HERPUD1: variants seen among roughly 807,000 people sequenced by gnomAD.
The protein encoded by HERPUD1 is homocysteine inducible ER protein with ubiquitin like domain 1, also known as homocysteine-responsive endoplasmic reticulum-resident ubiquitin-like domain member 1 protein.
Under a neutral mutation model 45.0 loss-of-function variants are expected in HERPUD1, and 17 were observed. The observed-to-expected ratio is 0.38, with a 90% CI of 0.26 to 0.57. The LOEUF (loss-of-function observed/expected upper bound fraction) is 0.57. Ranked by LOEUF, HERPUD1 falls within the 20% of genes least tolerant of loss-of-function variation. HERPUD1 has a pLI of 0.72. For synonymous variants in HERPUD1, 164 were observed against 177.5 expected, an observed-to-expected ratio of 0.92 and a Z score of 0.61; for missense variants, 420 against 490.5, an observed-to-expected ratio of 0.86 and a Z score of 1.36.
rs1179650338 is a variant in HERPUD1, at chr16:56,940,076, A to G, written c.736A>G (p.Met246Val). ...TCCTGGAGCCAATCAAAATTTGCGG[A>G]TGAATGCACAAGGTGGCCCTATTGT... ...VNPGANQNLR[M>V]NAQGGPIVEE... The change falls in exon 6 of 8, where the codon ATG becomes GTG. Residue 246 changes from methionine to valine, a missense_variant. Transcript: ENST00000439977. The G allele has an allele frequency of 1.2e-6, 2 of 1,614,232 alleles. No individual in the cohort carries two copies. The highest frequency in any genetic ancestry group is 2.2e-5 in the East Asian group (1 of 44,890).
chr16:56,934,647 A>C (rs912626689), intron 1 of HERPUD1, among the ~76,000 whole-genome samples: 3 of 146,720 alleles, frequency 2.0e-5, no homozygotes, highest in African/African-American at 7.6e-5. Flanking sequence ...TTTTAGTAAT[A>C]GGAGTCAGTC....
rs771865956 is a variant in HERPUD1, at chr16:56,935,397, T to C, written c.226-4T>C. 1 of 1,614,190 alleles carries C rather than the reference T, an allele frequency of 6.2e-7. No individual in the cohort carries two copies. The highest frequency in any genetic ancestry group is 8.5e-7 in the Non-Finnish European group (1 of 1,180,004). ...GTCCTTAAGTACCTTCGTATTACTT[T>C]TAGCAGGAAAAACGGCATGTTTTGC... On this transcript the variant is annotated splice_polypyrimidine_tract_variant and splice_region_variant and intron_variant, in intron 2 of 7. Coordinates refer to ENST00000439977, the MANE Select transcript of HERPUD1 (RefSeq NM_014685.4).
Position 56,943,491 on chromosome 16 carries a change from C to T in HERPUD1, c.*201C>T. ...TGAACAAAAAATGCCCAAGGCTTCT[C>T]ATGTCTTTATTCTGAAGAGCTTTAA... On this transcript the variant is annotated 3_prime_UTR_variant, in exon 8 of 8. Transcript: ENST00000439977. 1.5e-6 allele frequency: 1 copy of T among 656,602 alleles called. No homozygotes were observed. Among genetic ancestry groups the T allele is most frequent in the Non-Finnish European group, 2.7e-6 (1 of 364,336 alleles). 40.7% of individuals were successfully genotyped at this position (656,602 alleles called of 1,614,324 possible). A position where few individuals can be genotyped will look rare whatever the true frequency, so the allele number is the denominator to read the frequency against.
intron 1 of HERPUD1, 61 bp from the exon 2 acceptor site, chr16:56,935,172 CTG>C (rs2055856380): frequency 1.5e-5 from 17 of 1,109,774 alleles, no homozygotes; most frequent in Non-Finnish European, 2.1e-5. Context: ...ACAGTTTATT[CTG>C]TGTTTAGGAA....
intron 3 of HERPUD1, 101 bp from the exon 4 acceptor site, chr16:56,936,586 G>A: frequency 9.4e-7 from 1 of 1,069,338 alleles, no homozygotes; most frequent in Non-Finnish European, 1.3e-6. Context: ...AGAGGTGGGG[G>A]GTAGGAGATG....
In HERPUD1 at chr16:56,940,041, T is replaced by G; in HGVS notation, c.701T>G (p.Val234Gly). The stretch of plus-strand genomic sequence containing the variant: ...GCCAATCAGAATGCTGCTCCTCAAG[T>G]GGTTGTTAATCCTGGAGCCAATCAA... ...QPANQNAAPQ[V>G]VVNPGANQNL... The change falls in exon 6 of 8, where the codon GTG (valine) becomes GGG (glycine). Residue 234 changes from valine (V) to glycine (G), a missense_variant. Transcript: ENST00000439977. The G allele has an allele frequency of 6.2e-7, 1 of 1,614,198 alleles. No individual in the cohort carries two copies. Among genetic ancestry groups the G allele is most frequent in the Non-Finnish European group, 8.5e-7 (1 of 1,180,030 alleles).
Position 56,932,167 on chromosome 16 carries a change from C to T in HERPUD1, c.-78C>T, listed in dbSNP as rs571539038. 101 of 1,563,298 alleles carry T rather than the reference C, an allele frequency of 6.5e-5. No homozygotes were observed. In the African/African-American group the frequency reaches 7.1e-4, roughly 11 times the overall value. On this transcript the variant is annotated 5_prime_UTR_variant, in exon 1 of 8. Transcript: ENST00000439977. ...GCCCCAGAGACGTGAACTGTCGTTG[C>T]AGAGATTGCGGGCGGCTGAGACGCC...
chr16:56,936,654 C>T, intron 3 of HERPUD1, 33 bp from the exon 4 acceptor site: 1 of 1,570,992 alleles, frequency 6.4e-7, no homozygotes, highest in Non-Finnish European at 8.7e-7. Context: ...TGCATCAGCT[C>T]CTTTGTTCTG....
intron 6 of HERPUD1, chr16:56,941,093 C>G (rs1469490334): frequency 1.3e-5 from 2 of 152,190 alleles, no homozygotes; most frequent in African/African-American, 4.8e-5. Context: ...GATAAGCTAC[C>G]TTACCTTCCA....
In HERPUD1 at chr16:56,943,706, ACTT is replaced by A. The variant is rs2055929851; in HGVS notation, c.*417_*419del. 1 of 280,008 alleles carries A rather than the reference ACTT, an allele frequency of 3.6e-6. No homozygotes were observed. The highest frequency in any genetic ancestry group is 5.2e-5 in the East Asian group (1 of 19,264). The allele number at this position is 280,008 out of a possible 1,614,324, so 17.3% of individuals were successfully genotyped here. Reference sequence around the variant, plus strand: ...ATGTTTAAATTACACTAAGTGTACTACTTTATATAATCAATGAAATTGCTAGAC... The same window carrying A: ...ATGTTTAAATTACACTAAGTGTACTATATATAATCAATGAAATTGCTAGAC... On this transcript the variant is annotated 3_prime_UTR_variant, in exon 8 of 8. Coordinates refer to ENST00000439977, the MANE Select transcript of HERPUD1 (RefSeq NM_014685.4).
At chr16:56,941,938 A>G (rs2055913078) in intron 6 of HERPUD1, 194 bp from the exon 7 acceptor site, 4 of 546,982 alleles carry the variant, frequency 7.3e-6, no homozygotes, top group Non-Finnish European at 1.3e-5. Context: ...TGAATAAAAC[A>G]CAGTCCCTGC....
chr16:56,940,377 A>C, intron 6 of HERPUD1, 132 bp downstream of exon 6: 1 of 653,932 alleles, frequency 1.5e-6, no homozygotes, highest in South Asian at 1.9e-5. Context: ...ACAATGGCAC[A>C]ATCACTGCAA....
Position 56,940,149 on chromosome 16 carries a change from C to G in HERPUD1, c.809C>G (p.Ser270Ter). 1.9e-6 allele frequency: 3 copies of G among 1,614,188 alleles called. No homozygotes were observed. Among genetic ancestry groups the G allele is most frequent in the Non-Finnish European group, 2.5e-6 (3 of 1,180,010 alleles). ...INRDWLDWTY[S>*]AATFSVFLSI... ...CGAGATTGGTTGGATTGGACCTATT[C>G]AGCAGCTACATTTTCTGTTTTTCTC... Residue 270 changes from serine (S) to a stop codon, truncating the protein, a stop_gained, in exon 6 of 8, where the codon TCA (serine) becomes TGA (stop). Coordinates refer to ENST00000439977, the MANE Select transcript of HERPUD1 (RefSeq NM_014685.4). LOFTEE classifies it high-confidence loss of function.
chr16:56,933,659 G>A (rs1246559265), intron 1 of HERPUD1, among the ~76,000 whole-genome samples: 1 of 152,184 alleles, frequency 6.6e-6, no homozygotes, highest in Non-Finnish European at 1.5e-5. Flanking sequence ...AAATTATTAT[G>A]GCTGAAACAT....
rs1281683885 is a variant in HERPUD1, at chr16:56,932,440, C to T, written c.147+49C>T. ...CCCCTAGGCTGTGGCCCCCCGCCCT[C>T]TGCTGGGGATGCCACGTCCGGCTGC... On this transcript the variant is annotated intron_variant, in intron 1 of 7. Transcript: ENST00000439977. 2.8e-6 allele frequency: 4 copies of T among 1,449,590 alleles called. No individual in the cohort carries two copies. The African/African-American group carries it at 5.7e-5, about 21-fold the overall frequency. 89.8% of individuals were successfully genotyped at this position (1,449,590 alleles called of 1,614,324 possible). A position where few individuals can be genotyped will look rare whatever the true frequency, so the allele number is the denominator to read the frequency against.
In HERPUD1 at chr16:56,942,508, T is replaced by C. The variant is rs569394108; in HGVS notation, c.1011+271T>C. 1.1e-3 allele frequency among the ~76,000 whole-genome samples: 167 copies of C among 152,342 alleles called. 1 individual carries two copies. Among genetic ancestry groups the C allele is most frequent in the African/African-American group, 3.9e-3 (162 of 41,562 alleles). On this transcript the variant is annotated intron_variant, in intron 7 of 7. Transcript: ENST00000439977. ...ACTATTTTGAGCGTTCAGTGGTCTG[T>C]AACAGTGTGTTATACCATAAGAACT...
At chr16:56,942,052 A>C in intron 6 of HERPUD1, 80 bp from the exon 7 acceptor site, 1 of 1,074,990 alleles carries the variant, frequency 9.3e-7, no homozygotes. Flanking sequence ...TGCTGTGATT[A>C]GAGGTGGGGA....
Position 56,943,550 on chromosome 16 carries a change from G to A in HERPUD1, c.*260G>A, listed in dbSNP as rs972860130. 11 of 520,952 alleles carry A rather than the reference G, an allele frequency of 2.1e-5. No individual in the cohort carries two copies. Among genetic ancestry groups the A allele is most frequent in the South Asian group, 1.0e-4 (5 of 48,916 alleles). The allele number at this position is 520,952 out of a possible 1,614,324, so 32.3% of individuals were successfully genotyped here. A position where few individuals can be genotyped will look rare whatever the true frequency, so the allele number is the denominator to read the frequency against. The stretch of plus-strand genomic sequence containing the variant: ...CTATGTAGTTTAATAAGCACTGTAC[G>A]TAGAAGGCCTTAGGTGTTGCATGTC... On this transcript the variant is annotated 3_prime_UTR_variant, in exon 8 of 8. Transcript: ENST00000439977.
chr16:56,936,996 C>G, intron 4 of HERPUD1, 179 bp downstream of exon 4: 1 of 482,020 alleles, frequency 2.1e-6, no homozygotes. Flanking sequence ...TAATACACAG[C>G]CTTTTAGTAC....
Sources: allele counts gnomAD v4.1 joint callset (sites outside exome capture counted in the v4.1 genomes callset), GRCh38; gene constraint gnomAD v4.1.1; transcripts MANE v1.5; gene names NCBI Gene and HGNC (gene_info 2026-07-23, HGNC 2026-07-21).